Variants in PTPRN2 observed in about 807,000 individuals in gnomAD.
PTPRN2 encodes protein tyrosine phosphatase receptor type N2.
In PTPRN2, 74 loss-of-function variants were observed where a neutral mutation model predicts 118.8. That is an observed-to-expected ratio of 0.62 (90% CI 0.52 to 0.76). The LOEUF (loss-of-function observed/expected upper bound fraction) is 0.76, where lower values mean the gene tolerates loss of function less well. PTPRN2 is among the 30% of genes least tolerant of loss of function. PTPRN2 has a pLI of 0.00. For missense variants in PTPRN2, 1,481 were observed against 1,394.4 expected, an observed-to-expected ratio of 1.06 and a Z score of -0.99; for synonymous variants, 641 against 608.0, an observed-to-expected ratio of 1.05 and a Z score of -0.80.
At chr7:158,113,065 A>C (rs1002770618) in intron 9 of PTPRN2, among the ~76,000 whole-genome samples, 1 of 151,910 alleles carries the variant, frequency 6.6e-6, no homozygotes, top group African/African-American at 2.4e-5. Context: ...CCCAACATTT[A>C]GGGCAATGAG....
chr7:158,476,434 C>T (rs1237600028), intron 2 of PTPRN2, among the ~76,000 whole-genome samples: 1 of 152,284 alleles, frequency 6.6e-6, no homozygotes, highest in Non-Finnish European at 1.5e-5. Flanking sequence ...CAACACAAGA[C>T]AGCAGGGCCA....
chr7:157,951,276 T>C (rs1800792408), intron 11 of PTPRN2, among the ~76,000 whole-genome samples: 1 of 152,098 alleles, frequency 6.6e-6, no homozygotes, highest in Admixed American at 6.5e-5. Context: ...TTCAGAAAAT[T>C]TGAATTTTAC....
At chr7:158,070,932 C>CTGGTAGTGGAGGTGCCCG (rs1563388461) in intron 11 of PTPRN2, among the ~76,000 whole-genome samples, 1 of 29,266 alleles carries the variant, frequency 3.4e-5, no homozygotes, top group African/African-American at 1.8e-4. Context: ...GGAGGTGCTC[C>CTGGTAGTGGAGGTGCCCG]TGGTGGTGGA....
chr7:158,299,300 A>T (rs1425172988), intron 3 of PTPRN2, among the ~76,000 whole-genome samples: 2 of 144,148 alleles, frequency 1.4e-5, no homozygotes, highest in African/African-American at 2.6e-5. Context: ...TCAGGAAGCA[A>T]TTTTTTTTTT....
At chr7:158,122,650 C>A (rs73171588) in intron 9 of PTPRN2, among the ~76,000 whole-genome samples, 13,285 of 152,236 alleles carry the variant, frequency 0.087, 613 homozygotes, top group Non-Finnish European at 0.095. Flanking sequence ...ATTCAGCAGA[C>A]CCCTGAGGAA....
At chr7:157,934,235 A>T (rs1799569681) in intron 11 of PTPRN2, among the ~76,000 whole-genome samples, 1 of 152,200 alleles carries the variant, frequency 6.6e-6, no homozygotes, top group Non-Finnish European at 1.5e-5. Flanking sequence ...TTGTGGTGAG[A>T]GCTATTCTGT....
chr7:157,695,233 G>C (rs1355672969), intron 12 of PTPRN2, among the ~76,000 whole-genome samples: 2 of 151,980 alleles, frequency 1.3e-5, no homozygotes, highest in East Asian at 3.8e-4. Flanking sequence ...AATAGAGAAA[G>C]ACTGTTATGG....
intron 3 of PTPRN2, among the ~76,000 whole-genome samples, chr7:158,315,550 G>A (rs1355262580): frequency 6.6e-6 from 1 of 150,844 alleles, no homozygotes; most frequent in East Asian, 2.0e-4. Context: ...GTGAACCCGG[G>A]ACCCCTGAAG....
At chr7:158,137,342 G>T (rs950365252) in intron 7 of PTPRN2, among the ~76,000 whole-genome samples, 1 of 152,126 alleles carries the variant, frequency 6.6e-6, no homozygotes, top group Non-Finnish European at 1.5e-5. Context: ...ACTTGAACCC[G>T]GCAGGCAAAG....
At chr7:158,221,689 A>G (rs1240555552) in intron 3 of PTPRN2, among the ~76,000 whole-genome samples, 3 of 152,168 alleles carry the variant, frequency 2.0e-5, no homozygotes, top group Admixed American at 6.5e-5. Flanking sequence ...AGACTTATTC[A>G]CTAACATGAG....
At chr7:158,408,243 G>A (rs1813751292) in intron 2 of PTPRN2, among the ~76,000 whole-genome samples, 1 of 152,100 alleles carries the variant, frequency 6.6e-6, no homozygotes, top group Admixed American at 6.6e-5. Flanking sequence ...CAACACCAGA[G>A]GCAGCATTAA....
intron 10 of PTPRN2, among the ~76,000 whole-genome samples, chr7:158,083,292 T>C (rs1812983114): frequency 6.6e-6 from 1 of 152,138 alleles, no homozygotes; most frequent in Non-Finnish European, 1.5e-5. Flanking sequence ...AACATTTTGG[T>C]TGAATGGTTT....
chr7:158,356,543 C>G (rs1474963132), intron 2 of PTPRN2, among the ~76,000 whole-genome samples: 3 of 152,186 alleles, frequency 2.0e-5, no homozygotes, highest in Non-Finnish European at 4.4e-5. Flanking sequence ...CCTCACCCAA[C>G]ACTGCCAGCA....
intron 10 of PTPRN2, among the ~76,000 whole-genome samples, chr7:158,082,867 A>G (rs950119798): frequency 5.9e-5 from 9 of 152,186 alleles, no homozygotes; most frequent in Admixed American, 4.6e-4. Flanking sequence ...AGGGATGACC[A>G]TGGAGCAGGA....
rs760006105 is a variant in PTPRN2 at position 157,802,236 on chromosome 7, C to T, written c.1788+96437G>A. On this transcript the variant is annotated intron_variant, in intron 12 of 22. Transcript: ENST00000389418. ...TTGTGCCCTTGGAACGGCCCCTTCC[C>T]GTGCTTCCCCCAGCGCCAGACCCGG... is the stretch of plus-strand genomic sequence containing the variant. 2.3e-4 allele frequency among the ~76,000 whole-genome samples: 35 copies of T among 152,346 alleles called. No individual in the cohort carries two copies. The East Asian group carries it at 3.5e-3, about 15-fold the overall frequency.
intron 13 of PTPRN2, among the ~76,000 whole-genome samples, chr7:157,681,456 C>T (rs1318486603): frequency 6.6e-6 from 1 of 152,232 alleles, no homozygotes; most frequent in African/African-American, 2.4e-5. Flanking sequence ...AGCCTCAACA[C>T]ATTTGAAGTT....
intron 21 of PTPRN2, among the ~76,000 whole-genome samples, chr7:157,552,779 G>A (rs1798697465): frequency 6.6e-6 from 1 of 152,250 alleles, no homozygotes; most frequent in African/African-American, 2.4e-5. Flanking sequence ...TCGGGCTACA[G>A]TGCTGAGGTG....
At position 157,907,116 on chromosome 7, in the gene PTPRN2, C is replaced by T. The variant is rs960200815; in HGVS notation, c.1724-8379G>A. Among the ~76,000 whole-genome samples, 3 of 152,168 alleles carry T rather than the reference C, an allele frequency of 2.0e-5. No individual in the cohort carries two copies. In the South Asian group the frequency reaches 6.2e-4, roughly 31 times the overall value. On this transcript the variant is annotated intron_variant, in intron 11 of 22. Transcript: ENST00000389418. Reference sequence around the variant, plus strand: ...GTCACACTTTGGACAGCCAAGGGGGCGGGAAGATGAAGCATAAAACCACCT... The same window carrying T: ...GTCACACTTTGGACAGCCAAGGGGGTGGGAAGATGAAGCATAAAACCACCT...
chr7:157,971,495 T>C (rs926909784), intron 11 of PTPRN2, among the ~76,000 whole-genome samples: 6 of 152,172 alleles, frequency 3.9e-5, no homozygotes, highest in African/African-American at 1.4e-4. Flanking sequence ...TTCTTTGGTA[T>C]TTCCTATGAT....
Sources: allele counts gnomAD v4.1 joint callset (sites outside exome capture counted in the v4.1 genomes callset), GRCh38; gene constraint gnomAD v4.1.1; transcripts MANE v1.5; gene names NCBI Gene and HGNC (gene_info 2026-07-23, HGNC 2026-07-21).